The following PALM2AKAP2 variants were observed in gnomAD, a reference collection of about 807,000 sequenced individuals.
PALM2AKAP2 encodes the protein PALM2 and AKAP2 fusion, also known as PALM2-AKAP2 fusion protein.
Under a neutral mutation model 71.5 loss-of-function variants are expected in PALM2AKAP2, and 37 were observed. That is an observed-to-expected ratio of 0.52 (90% CI 0.40 to 0.68). The LOEUF (loss-of-function observed/expected upper bound fraction) is 0.68, where lower values mean the gene tolerates loss of function less well. Among genes scored for constraint, PALM2AKAP2 ranks in the 30% least tolerant of loss-of-function variants. PALM2AKAP2 has a pLI of 0.00. For missense variants in PALM2AKAP2, 1,224 were observed against 1,191.8 expected (o/e 1.03, Z -0.40); for synonymous variants, 468 against 478.8 (o/e 0.98, Z 0.29).
intron 1 of PALM2AKAP2, among the ~76,000 whole-genome samples, chr9:109,697,795 T>C (rs10115910): frequency 0.41 from 62,301 of 152,050 alleles, 13,216 homozygotes; most frequent in South Asian, 0.51. Flanking sequence ...GATAATGGCA[T>C]TGCAACTTCC....
At position 110,135,164 on chromosome 9, in the gene PALM2AKAP2, A is replaced by AAAAAAAATATAT; in HGVS notation, c.157-962_157-961insAAAAAATATATA. Among the ~76,000 whole-genome samples, 15 of 51,732 alleles carry AAAAAAAATATAT rather than the reference A, an allele frequency of 2.9e-4. 1 individual carries two copies. Among genetic ancestry groups the AAAAAAAATATAT allele is most frequent in the African/African-American group, 1.0e-3 (14 of 13,628 alleles). 33.9% of individuals were successfully genotyped at this position (51,732 alleles called of 152,430 possible). A position where few individuals can be genotyped will look rare whatever the true frequency, so the allele number is the denominator to read the frequency against. On this transcript the variant is annotated intron_variant, in intron 1 of 3. Transcript: ENST00000374525. ...AACTCTGTCTCTACAAAAAAAAAAA[A>AAAAAAAATATAT]ATATATAAATATATATATATATATA...
intron 1 of PALM2AKAP2, among the ~76,000 whole-genome samples, chr9:110,103,259 G>A (rs1231717165): frequency 6.6e-6 from 1 of 152,192 alleles, no homozygotes; most frequent in Non-Finnish European, 1.5e-5. Context: ...TCTCCACCCT[G>A]TGTCCCCGAT....
At chr9:109,881,335 C>G (rs1006651426) in intron 3 of PALM2AKAP2, among the ~76,000 whole-genome samples, 2 of 152,172 alleles carry the variant, frequency 1.3e-5, no homozygotes, top group Non-Finnish European at 2.9e-5. Flanking sequence ...TAGGTGCTCC[C>G]TTTGAGTTCT....
At chr9:109,881,417 T>A (rs1829847497) in intron 3 of PALM2AKAP2, among the ~76,000 whole-genome samples, 1 of 152,240 alleles carries the variant, frequency 6.6e-6, no homozygotes, top group Non-Finnish European at 1.5e-5. Context: ...GTGAGTCTGT[T>A]TTCAAATTTG....
At chr9:109,992,687 C>T (rs1326738124) in intron 6 of PALM2AKAP2, among the ~76,000 whole-genome samples, 1 of 152,038 alleles carries the variant, frequency 6.6e-6, no homozygotes, top group Admixed American at 6.6e-5. Context: ...CAAATGTAAT[C>T]AGAGTTTTTC....
chr9:109,835,310 G>A (rs1440684392), intron 1 of PALM2AKAP2, among the ~76,000 whole-genome samples: 1 of 147,490 alleles, frequency 6.8e-6, no homozygotes, highest in Non-Finnish European at 1.5e-5. Flanking sequence ...AAAGAGGGGA[G>A]GGTGGAGAGA....
chr9:109,769,449 C>T (rs1587901301), intron 1 of PALM2AKAP2, among the ~76,000 whole-genome samples: 1 of 152,162 alleles, frequency 6.6e-6, no homozygotes, highest in South Asian at 2.1e-4. Context: ...TAATGAAAAG[C>T]CTGCTCCATT....
intron 3 of PALM2AKAP2, among the ~76,000 whole-genome samples, chr9:110,159,000 G>C (rs1836532119): frequency 6.6e-6 from 1 of 152,194 alleles, no homozygotes; most frequent in African/African-American, 2.4e-5. Context: ...TCCTGTATCT[G>C]TGTCAATCAC....
At chr9:109,725,982 T>C (rs1002724153) in intron 1 of PALM2AKAP2, among the ~76,000 whole-genome samples, 14 of 152,244 alleles carry the variant, frequency 9.2e-5, no homozygotes, top group African/African-American at 3.4e-4. Context: ...GTGCCTCATA[T>C]GCCTGCATTT....
At chr9:109,654,477 T>C (rs1278098738) in intron 1 of PALM2AKAP2, among the ~76,000 whole-genome samples, 2 of 152,198 alleles carry the variant, frequency 1.3e-5, no homozygotes, top group Non-Finnish European at 2.9e-5. Context: ...AGAACAAGGT[T>C]CAGTTATGGA....
intron 6 of PALM2AKAP2, among the ~76,000 whole-genome samples, chr9:109,996,087 C>T (rs1330800652): frequency 6.6e-6 from 1 of 152,208 alleles, no homozygotes; most frequent in Non-Finnish European, 1.5e-5. Context: ...ATGTCCCTGT[C>T]ACCACCTGCT....
At chr9:110,162,101 C>G in intron 3 of PALM2AKAP2, 1 of 1,614,018 alleles carries the variant, frequency 6.2e-7, no homozygotes, top group Non-Finnish European at 8.5e-7. Flanking sequence ...CAGTACACTT[C>G]TAAGTTACTG....
intron 1 of PALM2AKAP2, among the ~76,000 whole-genome samples, chr9:109,831,125 G>T (rs1322823224): frequency 6.8e-6 from 1 of 146,064 alleles, no homozygotes; most frequent in Non-Finnish European, 1.5e-5. Flanking sequence ...CCCATTGATG[G>T]TTGTTAATAC....
At chr9:109,903,655 GCTGTCTCCTCCCAGCTTTAC>G in intron 3 of PALM2AKAP2, among the ~76,000 whole-genome samples, 1 of 152,244 alleles carries the variant, frequency 6.6e-6, no homozygotes, top group African/African-American at 2.4e-5. Flanking sequence ...CAGAATCACA[GCTGTCTCCTCCCAGCTTTAC>G]CTAAATTCCC....
intron 1 of PALM2AKAP2, among the ~76,000 whole-genome samples, chr9:110,125,948 A>T (rs1273541025): frequency 6.6e-6 from 1 of 152,168 alleles, no homozygotes; most frequent in Non-Finnish European, 1.5e-5. Context: ...CTTTTCCAGA[A>T]CAAAACCAAG....
At chr9:109,943,583 C>G in intron 6 of PALM2AKAP2, 1 of 1,046,652 alleles carries the variant, frequency 9.6e-7, no homozygotes. Flanking sequence ...TTTCCTTTTC[C>G]TCACCTGAGA....
Position 109,795,719 on chromosome 9 carries a change from C to T in PALM2AKAP2, c.45+15186C>T, listed in dbSNP as rs76944354. The stretch of plus-strand genomic sequence containing the variant: ...GGAACCTTCTTACCTAACATTTCTG[C>T]GGAGATTCACTATAGTCAGGCCTTA... On this transcript the variant is annotated intron_variant, in intron 1 of 9. Transcript: ENST00000302798. Among the ~76,000 whole-genome samples the T allele has an allele frequency of 6.1e-3, 933 of 152,318 alleles. 6 individuals are homozygous for T. The highest frequency in any genetic ancestry group is 0.011 in the African/African-American group (453 of 41,566).
chr9:110,053,993 C>T (rs149318953), intron 1 of PALM2AKAP2, among the ~76,000 whole-genome samples: 171 of 152,318 alleles, frequency 1.1e-3, no homozygotes, highest in Non-Finnish European at 1.8e-3. Context: ...TATTGTGGTG[C>T]GCCCTTTATC....
upstream of PALM2AKAP2, among the ~76,000 whole-genome samples, chr9:109,776,826 G>C (rs187419670): frequency 2.0e-4 from 31 of 152,306 alleles, 1 homozygote; most frequent in Middle Eastern, 3.4e-3. Context: ...TACCTGCTTT[G>C]ATAATCCGCA....
Sources: gnomAD v4.1 joint callset for allele counts (sites outside exome capture counted in the v4.1 genomes callset) on GRCh38, gnomAD v4.1.1 for gene constraint, MANE v1.5 for transcripts, NCBI Gene and HGNC (gene_info 2026-07-23, HGNC 2026-07-21) for gene names.